The following ERBIN variants were observed in gnomAD, a reference collection of about 807,000 sequenced individuals.
The protein encoded by ERBIN is densin-180-like protein.
A neutral mutation model predicts 158.4 loss-of-function variants in ERBIN; 60 were observed. The ratio of observed to expected loss-of-function variants is 0.38; its 90% confidence interval spans 0.31 to 0.47. The LOEUF is 0.47. Ranked by LOEUF, ERBIN falls within the 20% of genes least tolerant of loss-of-function variation. ERBIN has a pLI of 0.99. For synonymous variants in ERBIN, 594 were observed against 557.2 expected (o/e 1.07, Z -0.93); for missense variants, 1,610 against 1,648.0 (o/e 0.98, Z 0.40).
intron 1 of ERBIN, among the ~76,000 whole-genome samples, chr5:65,974,486 A>G (rs1181797070): frequency 6.6e-6 from 1 of 152,220 alleles, no homozygotes; most frequent in Non-Finnish European, 1.5e-5. Flanking sequence ...TTCAGAGACC[A>G]TCTATATGCT....
chr5:66,062,953 G>A (rs921053766), intron 21 of ERBIN, among the ~76,000 whole-genome samples: 1 of 152,218 alleles, frequency 6.6e-6, no homozygotes, highest in Non-Finnish European at 1.5e-5. Context: ...TGCCCCTACT[G>A]GGGGGTGCCT....
intron 1 of ERBIN, among the ~76,000 whole-genome samples, chr5:65,961,925 G>A (rs1747972261): frequency 6.6e-6 from 1 of 152,070 alleles, no homozygotes; most frequent in Non-Finnish European, 1.5e-5. Flanking sequence ...GTATCTTTTT[G>A]GTGCTGCAGA....
intron 20 of ERBIN, among the ~76,000 whole-genome samples, chr5:66,053,103 A>AATTCCAC (rs11282542): frequency 0.057 from 8,640 of 152,142 alleles, 831 homozygotes; most frequent in African/African-American, 0.2. Context: ...AAACATTAAA[A>AATTCCAC]TTTTATTCAT....
Position 66,054,065 on chromosome 5 carries a change from C to G in ERBIN, c.2747C>G (p.Ala916Gly). The change falls in exon 21 of 26, where the codon GCC becomes GGC. Residue 916 changes from alanine to glycine, a missense_variant. This residue lies in a region of ERBIN where 1,014 missense variants were observed against 936.1 expected (regional missense o/e 1.08). Coordinates refer to ENST00000284037, the MANE Select transcript of ERBIN (RefSeq NM_001253697.2). ...DGKNIVRSKS[A>G]TLLYDQPLQV... is the part of the protein sequence containing the mutation. Reference sequence around the variant, plus strand: ...AAAAATATAGTCAGGAGCAAGTCTGCCACACTGTTGTATGATCAACCATTG... The same window carrying G: ...AAAAATATAGTCAGGAGCAAGTCTGGCACACTGTTGTATGATCAACCATTG... The G allele has an allele frequency of 6.2e-7, 1 of 1,614,160 alleles. No individual in the cohort carries two copies. Among genetic ancestry groups the G allele is most frequent in the Non-Finnish European group, 8.5e-7 (1 of 1,180,018 alleles).
intron 1 of ERBIN, among the ~76,000 whole-genome samples, chr5:65,930,194 C>G (rs1743195101): frequency 6.6e-6 from 1 of 152,210 alleles, no homozygotes; most frequent in Non-Finnish European, 1.5e-5. Context: ...TCAAAACATG[C>G]AGTGGAAAAA....
At position 66,069,040 on chromosome 5, in the gene ERBIN, C is replaced by G. The variant is rs1433338504; in HGVS notation, c.3634-3129C>G. 2.7e-6 allele frequency: 4 copies of G among 1,478,002 alleles called. No individual in the cohort carries two copies. The African/African-American group carries it at 4.2e-5, about 16-fold the overall frequency. The allele number at this position is 1,478,002 out of a possible 1,614,324, so 91.6% of individuals were successfully genotyped here. ...TTTCGAGTGAGTACCTACACTAGAC[C>G]AATACTTTTAGCTTGTAGAAGAGAA... On this transcript the variant is annotated intron_variant, in intron 21 of 25. Coordinates refer to ENST00000284037, the MANE Select transcript of ERBIN (RefSeq NM_001253697.2).
chr5:66,032,220 A>C (rs1259037423), intron 14 of ERBIN, among the ~76,000 whole-genome samples: 2 of 152,202 alleles, frequency 1.3e-5, no homozygotes, highest in Admixed American at 1.3e-4. Context: ...TATGCCATGC[A>C]GAGGAACCTG....
rs1759267553 is a variant in ERBIN, at chr5:66,053,577, A to G, written c.2259A>G (p.Thr753=). The change falls in exon 21 of 26, where the codon ACA becomes ACG. Residue 753 remains threonine (T), a synonymous_variant. Transcript: ENST00000284037. ...AGAAAAGTGTTGACTCAACAGCCAC[A>G]GCTGATGACACTCACAAATTAGATC... is the stretch of plus-strand genomic sequence containing the variant. The part of the protein sequence containing the change: ...LIEKSVDSTA[T]ADDTHKLDHI... 2.5e-6 allele frequency: 4 copies of G among 1,610,632 alleles called. No homozygotes were observed. The highest frequency in any genetic ancestry group is 1.1e-5 in the South Asian group (1 of 90,662).
chr5:66,043,146 A>C lies in ERBIN; in HGVS notation c.1376A>C (p.Gln459Pro). ...GAGGAACAGAGGAAACAGCGGGCTC[A>C]AGTTGCATTTGAATGTGATGAAGAC... Reference protein sequence around the residue: ...LWEEQRKQRAQVAFECDEDKD... With the variant: ...LWEEQRKQRAPVAFECDEDKD... Residue 459 changes from glutamine (Q) to proline (P), a missense_variant, in exon 16 of 26, where the codon CAA becomes CCA. By Grantham distance (76) the Gln-to-Pro change is moderately conservative. Transcript: ENST00000284037. The C allele has an allele frequency of 6.2e-7, 1 of 1,613,264 alleles. No homozygotes were observed. Among genetic ancestry groups the C allele is most frequent in the Non-Finnish European group, 8.5e-7 (1 of 1,179,314 alleles).
Position 66,039,082 on chromosome 5 carries a change from A to T in ERBIN, c.1306+600A>T, listed in dbSNP as rs549708354. Reference sequence around the variant, plus strand: ...CACTTAAAGTAACTATTTTTTATGTATCTTCTTTCTGACACCAGTGAAAAT... The same window carrying T: ...CACTTAAAGTAACTATTTTTTATGTTTCTTCTTTCTGACACCAGTGAAAAT... On this transcript the variant is annotated intron_variant, in intron 15 of 25. Transcript: ENST00000284037. Among the ~76,000 whole-genome samples, 10 of 151,744 alleles carry T rather than the reference A, an allele frequency of 6.6e-5. No homozygotes were observed. The South Asian group carries it at 2.1e-3, about 32-fold the overall frequency.
intron 14 of ERBIN, among the ~76,000 whole-genome samples, chr5:66,035,538 G>C (rs1757312580): frequency 2.6e-5 from 4 of 152,060 alleles, no homozygotes; most frequent in Non-Finnish European, 5.9e-5. Context: ...CTTAAATACT[G>C]TTCACTGTCA....
chr5:66,063,205 G>A (rs747500348), intron 21 of ERBIN, among the ~76,000 whole-genome samples: 5 of 152,352 alleles, frequency 3.3e-5, no homozygotes, highest in East Asian at 1.9e-4. Flanking sequence ...GAGCTTCCCA[G>A]CTGCTTTGGT....
In ERBIN at chr5:66,042,447, G is replaced by A. The variant is rs1758002701; in HGVS notation, c.1307-630G>A. Among the ~76,000 whole-genome samples the A allele has an allele frequency of 2.0e-5, 3 of 151,348 alleles. 1 individual carries two copies. Among genetic ancestry groups the A allele is most frequent in the South Asian group, 2.1e-4 (1 of 4,810 alleles). ...CAGGTTTTGATTTTTTTTTGACTTC[G>A]GAATATTTGCAGAATTCATATCAGT... On this transcript the variant is annotated intron_variant, in intron 15 of 25. Transcript: ENST00000284037.
intron 1 of ERBIN, among the ~76,000 whole-genome samples, chr5:65,963,619 C>CA (rs1038832655): frequency 2.6e-5 from 4 of 151,258 alleles, no homozygotes; most frequent in Middle Eastern, 3.4e-3. Flanking sequence ...CAAAAACCAA[C>CA]AAAAAAAACT....
intron 1 of ERBIN, among the ~76,000 whole-genome samples, chr5:65,938,409 T>TCACTCAC (rs1744356841): frequency 6.7e-6 from 1 of 149,366 alleles, no homozygotes; most frequent in Non-Finnish European, 1.5e-5. Flanking sequence ...TCTCGCTCTG[T>TCACTCAC]CACTCAGGCT....
intron 17 of ERBIN, among the ~76,000 whole-genome samples, chr5:66,045,425 TAGTATA>T (rs980164254): frequency 6.8e-6 from 1 of 146,750 alleles, no homozygotes; most frequent in African/African-American, 2.7e-5. Context: ...ATATGTAATA[TAGTATA>T]TGTATATGTA....
chr5:65,939,525 TCCCTCTCCC>T (rs992129458), intron 1 of ERBIN, among the ~76,000 whole-genome samples: 4 of 139,786 alleles, frequency 2.9e-5, no homozygotes, highest in African/African-American at 9.9e-5. Context: ...CCTCTCCCTT[TCCCTCTCCC>T]CCCTCTCCCT....
In ERBIN at chr5:66,008,169, A is replaced by C. The variant is rs374899234; in HGVS notation, c.308-3880A>C. 6.6e-5 allele frequency among the ~76,000 whole-genome samples: 10 copies of C among 152,328 alleles called. No homozygotes were observed. In the South Asian group the frequency reaches 1.7e-3, roughly 25 times the overall value. ...CACGGTGGCTCACACCTGTAATCCC[A>C]ACACTGGGAGGCTGAGGTGGGCGGA... On this transcript the variant is annotated intron_variant, in intron 4 of 25. Coordinates refer to ENST00000284037, the MANE Select transcript of ERBIN (RefSeq NM_001253697.2).
At chr5:66,014,555 T>C in intron 6 of ERBIN, 114 bp from the exon 7 acceptor site, 1 of 527,094 alleles carries the variant, frequency 1.9e-6, no homozygotes. Context: ...TATATTACTT[T>C]GCAATTAGTA....
Sources: gnomAD v4.1 joint callset for allele counts (sites outside exome capture counted in the v4.1 genomes callset) on GRCh38, gnomAD v4.1.1 for gene constraint, gnomAD v4.1.1 regional missense constraint, MANE v1.5 for transcripts, NCBI Gene and HGNC (gene_info 2026-07-23, HGNC 2026-07-21) for gene names.